Variants in HMGCLL1 observed in about 807,000 individuals in gnomAD.
HMGCLL1 encodes 3-hydroxymethyl-3-methylglutaryl-CoA lyase, cytoplasmic.
Under a neutral mutation model 39.1 loss-of-function variants are expected in HMGCLL1, and 36 were observed. The observed-to-expected ratio is 0.92, with a 90% confidence interval of 0.71 to 1.22. The LOEUF is 1.22. Ranked by LOEUF, HMGCLL1 falls within the 50% of genes most tolerant of loss-of-function variation. The pLI, the probability that HMGCLL1 is intolerant of heterozygous loss-of-function variation, is 0.00. For missense variants in HMGCLL1, 451 were observed against 416.5 expected, an observed-to-expected ratio of 1.08 and a Z score of -0.72; for synonymous variants, 149 against 144.0, an observed-to-expected ratio of 1.03 and a Z score of -0.25.
At chr6:55,490,519 C>T (rs962747005) in intron 7 of HMGCLL1, among the ~76,000 whole-genome samples, 3 of 152,074 alleles carry the variant, frequency 2.0e-5, no homozygotes, top group Non-Finnish European at 4.4e-5. Flanking sequence ...GGATGAAATG[C>T]TGTGGGAGTG....
chr6:55,494,327 G>A (rs1452623824), intron 7 of HMGCLL1, among the ~76,000 whole-genome samples: 1 of 97,848 alleles, frequency 1.0e-5, no homozygotes, highest in African/African-American at 3.9e-5. Context: ...GAGAGAGAGA[G>A]AAACAGCCCT....
At chr6:55,437,518 T>C (rs746591728) in intron 8 of HMGCLL1, among the ~76,000 whole-genome samples, 2 of 151,852 alleles carry the variant, frequency 1.3e-5, no homozygotes, top group African/African-American at 2.4e-5. Context: ...ATGGAGGATA[T>C]ATGGGGCACT....
upstream of HMGCLL1, among the ~76,000 whole-genome samples, chr6:55,582,389 T>C (rs957045892): frequency 2.0e-5 from 3 of 152,192 alleles, no homozygotes; most frequent in Non-Finnish European, 4.4e-5. Flanking sequence ...CAATTCATAC[T>C]GTATAGTCTG....
intron 7 of HMGCLL1, among the ~76,000 whole-genome samples, chr6:55,455,914 T>C (rs1181097878): frequency 2.0e-5 from 3 of 152,320 alleles, no homozygotes; most frequent in South Asian, 2.1e-4. Flanking sequence ...CTCAATTTTA[T>C]CTAATTATGT....
chr6:55,671,179 T>G, the HMGCLL1 span, among the ~76,000 whole-genome samples: 1 of 151,798 alleles, frequency 6.6e-6, no homozygotes. Flanking sequence ...GTGAATAGGA[T>G]GAAATACCAC....
At chr6:55,452,172 T>A (rs1475057358) in intron 7 of HMGCLL1, among the ~76,000 whole-genome samples, 1 of 152,214 alleles carries the variant, frequency 6.6e-6, no homozygotes, top group Non-Finnish European at 1.5e-5. Flanking sequence ...GATCACTACC[T>A]ATCTTGTTTT....
intron 3 of HMGCLL1, among the ~76,000 whole-genome samples, chr6:55,525,453 T>G (rs1768270314): frequency 6.6e-6 from 1 of 152,020 alleles, no homozygotes; most frequent in Non-Finnish European, 1.5e-5. Flanking sequence ...AAGGATAGCA[T>G]GGGGCTCCAA....
chr6:55,585,578 T>C, the HMGCLL1 span, among the ~76,000 whole-genome samples: 3 of 152,118 alleles, frequency 2.0e-5, no homozygotes, highest in Non-Finnish European at 2.9e-5. Flanking sequence ...TCAAGTACTA[T>C]TGAATGAGAA....
upstream of HMGCLL1, among the ~76,000 whole-genome samples, chr6:55,579,464 CGTGA>C (rs1466142401): frequency 6.6e-6 from 1 of 152,064 alleles, no homozygotes; most frequent in Non-Finnish European, 1.5e-5. Flanking sequence ...AAGGAAGGGG[CGTGA>C]GTGTTTATGT....
chr6:55,653,897 C>T, the HMGCLL1 span, among the ~76,000 whole-genome samples: 1 of 149,384 alleles, frequency 6.7e-6, no homozygotes, highest in South Asian at 2.2e-4. Flanking sequence ...TCCCTGGGGA[C>T]TTAAAAACAG....
At chr6:55,450,468 G>A (rs942656256) in intron 7 of HMGCLL1, among the ~76,000 whole-genome samples, 4 of 152,198 alleles carry the variant, frequency 2.6e-5, no homozygotes, top group African/African-American at 7.2e-5. Context: ...GAGTATAATA[G>A]TACCAATTAA....
At chr6:55,513,216 CA>C (rs1455918216) in intron 5 of HMGCLL1, 1 of 152,232 alleles carries the variant, frequency 6.6e-6, no homozygotes, top group South Asian at 2.1e-4. Flanking sequence ...TCTTTCAATA[CA>C]AGTAACCATG....
chr6:55,520,548 G>A (rs1156470951), intron 3 of HMGCLL1, among the ~76,000 whole-genome samples: 1 of 151,744 alleles, frequency 6.6e-6, no homozygotes, highest in Non-Finnish European at 1.5e-5. Flanking sequence ...TTATTCCAAT[G>A]AATAAAAAAG....
At chr6:55,448,983 C>T (rs1365909405) in intron 7 of HMGCLL1, among the ~76,000 whole-genome samples, 1 of 152,164 alleles carries the variant, frequency 6.6e-6, no homozygotes, top group Non-Finnish European at 1.5e-5. Flanking sequence ...AGAATGATAT[C>T]ATCTAAGTTT....
At chr6:55,658,768 C>T in the HMGCLL1 span, among the ~76,000 whole-genome samples, 10 of 151,832 alleles carry the variant, frequency 6.6e-5, no homozygotes, top group Admixed American at 4.0e-4. Context: ...TCTGTATTTT[C>T]GTAGAGTTGA....
At chr6:55,623,811 A>G in the HMGCLL1 span, among the ~76,000 whole-genome samples, 2 of 151,990 alleles carry the variant, frequency 1.3e-5, no homozygotes, top group African/African-American at 2.4e-5. Flanking sequence ...TCCCACCATC[A>G]TAGCCCTCAC....
intron 5 of HMGCLL1, among the ~76,000 whole-genome samples, chr6:55,509,391 A>G (rs1056221411): frequency 3.3e-5 from 5 of 151,820 alleles, no homozygotes; most frequent in African/African-American, 4.8e-5. Flanking sequence ...TGGAGCCCTA[A>G]ATAAGGAGAC....
the HMGCLL1 span, among the ~76,000 whole-genome samples, chr6:55,605,354 T>A: frequency 6.6e-6 from 1 of 152,210 alleles, no homozygotes; most frequent in Non-Finnish European, 1.5e-5. Flanking sequence ...TATTTCCTAA[T>A]AAATATCTTG....
upstream of HMGCLL1, chr6:55,579,256 G>T (rs938868913): frequency 1.9e-5 from 11 of 592,104 alleles, no homozygotes; most frequent in African/African-American, 1.7e-4. Flanking sequence ...CTGGGGCAGC[G>T]GGTGCACGGG....
Sources: gnomAD v4.1 joint callset for allele counts (sites outside exome capture counted in the v4.1 genomes callset) on GRCh38, gnomAD v4.1.1 for gene constraint, MANE v1.5 for transcripts, NCBI Gene and HGNC (gene_info 2026-07-23, HGNC 2026-07-21) for gene names.